HEATR6: variants seen among roughly 807,000 people sequenced by gnomAD.
HEATR6 encodes HEAT repeat containing 6.
Under a neutral mutation model 132.8 loss-of-function variants are expected in HEATR6, and 106 were observed. The ratio of observed to expected loss-of-function variants is 0.80; its 90% CI spans 0.68 to 0.94. The LOEUF is 0.94. HEATR6 is among the 40% of genes least tolerant of loss of function. The probability of loss-of-function intolerance (pLI) is 0.00; values close to 1 mark genes in which losing one functional copy is unlikely to be tolerated. For synonymous variants in HEATR6, 529 were observed against 537.8 expected (o/e 0.98, Z 0.23); for missense variants, 1,339 against 1,425.1 (o/e 0.94, Z 0.97).
rs749572665 is a variant in HEATR6, at chr17:60,043,605, T to G, written c.3504A>C (p.Ser1168=). Residue 1168 remains serine (S), a synonymous_variant, in exon 20 of 20, where the codon TCA becomes TCC. Coordinates refer to ENST00000184956, the MANE Select transcript of HEATR6 (RefSeq NM_022070.5). ...LEEILAVCFD[S]SGSQGALPGL... ...CTGGGAGTGCCCCTTGTGATCCAGATGAGTCAAAACAAACGGCCAGGATCT... is the reference window on the plus strand; with the variant it reads ...CTGGGAGTGCCCCTTGTGATCCAGAGGAGTCAAAACAAACGGCCAGGATCT... The G allele has an allele frequency of 6.2e-7, 1 of 1,614,128 alleles. No homozygotes were observed.
chr17:60,042,414 C>A lies in HEATR6; in HGVS notation c.*1149G>T, dbSNP rs111953362. On this transcript the variant is annotated 3_prime_UTR_variant, in exon 20 of 20. Transcript: ENST00000184956. ...CCTCGCGTCCTGTGCGGCTGTGAGG[C>A]ACTGTCAGCATCCTCGCGTCCTGTG... Among the ~76,000 whole-genome samples the A allele has an allele frequency of 1.8e-4, 24 of 129,974 alleles. No individual in the cohort carries two copies. Among genetic ancestry groups the A allele is most frequent in the African/African-American group, 4.7e-4 (14 of 29,600 alleles). 85.3% of individuals were successfully genotyped at this position (129,974 alleles called of 152,430 possible). A position where few individuals can be genotyped will look rare whatever the true frequency, so the allele number is the denominator to read the frequency against.
chr17:60,064,817 T>C (rs779652837), intron 9 of HEATR6: 1 of 152,230 alleles, frequency 6.6e-6, no homozygotes, highest in Non-Finnish European at 1.5e-5. Context: ...TTTAAAAATA[T>C]ATGAAGATAT....
Position 60,067,584 on chromosome 17 carries a change from G to T in HEATR6, c.1088C>A (p.Ser363Tyr). 2 of 1,613,274 alleles carry T rather than the reference G, an allele frequency of 1.2e-6. No homozygotes were observed. The highest frequency in any genetic ancestry group is 1.7e-6 in the Non-Finnish European group (2 of 1,179,694). Residue 363 changes from serine (S) to tyrosine (Y), a missense_variant, in exon 8 of 20, where the codon TCC (serine) becomes TAC (tyrosine). Coordinates refer to ENST00000184956, the MANE Select transcript of HEATR6 (RefSeq NM_022070.5). ...LHEGNTWCPSSLGVQSLPLDG... is the reference protein window; with the variant it reads ...LHEGNTWCPSYLGVQSLPLDG... ...TAAAGGCAAACTCTGGACACCCAGG[G>T]AGGAGGGACACCAAGTGTTCCCTTC...
chr17:60,047,718 G>C (rs944495226), intron 17 of HEATR6, among the ~76,000 whole-genome samples: 5 of 152,068 alleles, frequency 3.3e-5, no homozygotes, highest in African/African-American at 9.7e-5. Flanking sequence ...ATCACACAGT[G>C]ATAATTATGT....
chr17:60,077,316 T>C (rs1170147921), intron 1 of HEATR6, among the ~76,000 whole-genome samples: 1 of 151,856 alleles, frequency 6.6e-6, no homozygotes, highest in Non-Finnish European at 1.5e-5. Flanking sequence ...GTGGACAGAG[T>C]ATGCAAAAAC....
Position 60,069,718 on chromosome 17 carries a change from G to A in HEATR6, c.932C>T (p.Pro311Leu), listed in dbSNP as rs768770006. Residue 311 changes from proline to leucine, a missense_variant, in exon 7 of 20, where the codon CCA (proline) becomes CTA (leucine). Pro to Leu is a moderately conservative substitution (Grantham distance 98). Coordinates refer to ENST00000184956, the MANE Select transcript of HEATR6 (RefSeq NM_022070.5). The stretch of plus-strand genomic sequence containing the variant: ...AAATAAACATAAATGTACCAAAGTT[G>A]GTCGAGAAGCACTGGATTCTGATTG... ...PQQSESSASR[P>L]TLNKKKKSKV... 6.2e-7 allele frequency: 1 copy of A among 1,613,750 alleles called. No homozygotes were observed. Among genetic ancestry groups the A allele is most frequent in the Admixed American group, 1.7e-5 (1 of 59,986 alleles).
chr17:60,043,787 G>A lies in HEATR6; in HGVS notation c.3322C>T (p.Gln1108Ter). The change falls in exon 20 of 20, where the codon CAG becomes TAG. Residue 1108 changes from glutamine (Q) to a stop codon, truncating the protein, a stop_gained. Transcript: ENST00000184956. LOFTEE classifies it high-confidence loss of function. Reference sequence around the variant, plus strand: ...CCCTCTGCTCCTGATTTTAAAAACTGTAGAATATAGGACTGGACCATATTC... The same window carrying A: ...CCCTCTGCTCCTGATTTTAAAAACTATAGAATATAGGACTGGACCATATTC... ...SGNMVQSYIL[Q>*]FLKSGAEGDD... 2.5e-6 allele frequency: 4 copies of A among 1,614,170 alleles called. No individual in the cohort carries two copies. The highest frequency in any genetic ancestry group is 2.2e-5 in the East Asian group (1 of 44,884).
At chr17:60,046,328 C>A in intron 18 of HEATR6, 99 bp from the exon 19 acceptor site, 1 of 867,518 alleles carries the variant, frequency 1.2e-6, no homozygotes. Context: ...TCTTCAACTT[C>A]TTAAAGCAAG....
chr17:60,070,529 T>C (rs2083265040), intron 6 of HEATR6, among the ~76,000 whole-genome samples, 177 bp downstream of exon 6: 1 of 152,204 alleles, frequency 6.6e-6, no homozygotes, highest in Non-Finnish European at 1.5e-5. Context: ...AAATGGAGAT[T>C]TATTTTCTGT....
intron 9 of HEATR6, chr17:60,063,748 G>A (rs1003204314): frequency 2.0e-5 from 3 of 152,104 alleles, no homozygotes; most frequent in African/African-American, 7.3e-5. Context: ...TATGCCATGG[G>A]TCATATCAGA....
intron 4 of HEATR6, among the ~76,000 whole-genome samples, chr17:60,072,783 G>A (rs2083276779): frequency 6.6e-6 from 1 of 152,152 alleles, no homozygotes; most frequent in Non-Finnish European, 1.5e-5. Context: ...AGCTGGGGCT[G>A]TTTCCATCTT....
intron 18 of HEATR6, 95 bp from the exon 19 acceptor site, chr17:60,046,324 A>G: frequency 1.1e-6 from 1 of 917,810 alleles, no homozygotes; most frequent in African/African-American, 1.7e-5. Flanking sequence ...GAGGTCTTCA[A>G]CTTCTTAAAG....
intron 19 of HEATR6, 37 bp from the exon 20 acceptor site, chr17:60,044,171 C>T (rs368040564): frequency 6.3e-5 from 96 of 1,526,140 alleles, no homozygotes; most frequent in Admixed American, 9.0e-5. Flanking sequence ...CAAATGCAGG[C>T]TTAGAACTAG....
In HEATR6 at chr17:60,073,895, A is replaced by G. The variant is rs370585906; in HGVS notation, c.328-9T>C. On this transcript the variant is annotated splice_polypyrimidine_tract_variant and intron_variant, in intron 2 of 19. Coordinates refer to ENST00000184956, the MANE Select transcript of HEATR6 (RefSeq NM_022070.5). Reference sequence around the variant, plus strand: ...TGTTCATCAACAATTACCTAACAGGACAGGAAAAGATATATTCTGATCTAA... The same window carrying G: ...TGTTCATCAACAATTACCTAACAGGGCAGGAAAAGATATATTCTGATCTAA... 1.8e-5 allele frequency: 29 copies of G among 1,612,360 alleles called. No homozygotes were observed. Among genetic ancestry groups the G allele is most frequent in the Non-Finnish European group, 2.5e-5 (29 of 1,179,382 alleles).
At chr17:60,064,747 G>A (rs1169912437) in intron 9 of HEATR6, 4 of 152,076 alleles carry the variant, frequency 2.6e-5, no homozygotes, top group African/African-American at 7.2e-5. Flanking sequence ...TCAAGGAGAT[G>A]GATAAGACCA....
chr17:60,056,262 C>T, intron 12 of HEATR6, 25 bp from the exon 13 acceptor site: 1 of 1,595,644 alleles, frequency 6.3e-7, no homozygotes, highest in South Asian at 1.1e-5. Flanking sequence ...TGGAATTAAC[C>T]CTCTAAGACC....
Position 60,067,420 on chromosome 17 carries a change from C to G in HEATR6, c.1238+14G>C, listed in dbSNP as rs1275033721. 1 of 1,503,604 alleles carries G rather than the reference C, an allele frequency of 6.7e-7. No individual in the cohort carries two copies. The highest frequency in any genetic ancestry group is 2.4e-5 in the Admixed American group (1 of 42,320). The allele number at this position is 1,503,604 out of a possible 1,614,324, so 93.1% of individuals were successfully genotyped here. ...TAGAATACAAGGTATAAAAATGTAA[C>G]AAAATACTACTACCTCATTTTACTC... On this transcript the variant is annotated intron_variant, in intron 8 of 19. Transcript: ENST00000184956.
In HEATR6 at chr17:60,050,828, A is replaced by G. The variant is rs779792298; in HGVS notation, c.2424+15T>C. 1 of 1,613,778 alleles carries G rather than the reference A, an allele frequency of 6.2e-7. No individual in the cohort carries two copies. The highest frequency in any genetic ancestry group is 1.1e-5 in the South Asian group (1 of 91,048). On this transcript the variant is annotated intron_variant, in intron 15 of 19. Coordinates refer to ENST00000184956, the MANE Select transcript of HEATR6 (RefSeq NM_022070.5). ...CCAGCCATGATTTAAGGGTGAGAAA[A>G]CACCCTCACATTACCGGCAGATTGC...
chr17:60,048,335 G>A lies in HEATR6; in HGVS notation c.2601C>T (p.Asp867=), dbSNP rs756008189. Residue 867 remains aspartate, a synonymous_variant, in exon 17 of 20, where the codon GAC becomes GAT. Coordinates refer to ENST00000184956, the MANE Select transcript of HEATR6 (RefSeq NM_022070.5). The stretch of plus-strand genomic sequence containing the variant: ...CTTTGGCTCGAACATTCAGAGACTT[G>A]TCTTCAAGTGACATCAATATTGCAT... ...AANAILMSLE[D]KSLNVRAKAA... The A allele has an allele frequency of 6.2e-7, 1 of 1,613,640 alleles. No individual in the cohort carries two copies. The highest frequency in any genetic ancestry group is 1.7e-4 in the Middle Eastern group (1 of 6,060).
Sources: gnomAD v4.1 joint callset for allele counts (sites outside exome capture counted in the v4.1 genomes callset) on GRCh38, gnomAD v4.1.1 for gene constraint, MANE v1.5 for transcripts, NCBI Gene and HGNC (gene_info 2026-07-23, HGNC 2026-07-21) for gene names.